Variants in CCDC59 observed in about 807,000 individuals in gnomAD.
CCDC59 encodes the protein thyroid transcription factor 1-associated protein 26.
CCDC59 carries 27 observed loss-of-function variants against 30.5 expected under a neutral mutation model. That is an observed-to-expected ratio of 0.89 (90% CI 0.65 to 1.22). The LOEUF is 1.22. Ranked by LOEUF, CCDC59 falls within the 50% of genes most tolerant of loss-of-function variation. The pLI, the probability that CCDC59 is intolerant of heterozygous loss-of-function variation, is 0.00. For missense variants in CCDC59, 362 were observed against 284.4 expected (o/e 1.27, Z -1.96); for synonymous variants, 125 against 100.9 (o/e 1.24, Z -1.43).
intron 3 of CCDC59, among the ~76,000 whole-genome samples, chr12:82,353,830 ATACTT>A (rs1235868929): frequency 6.6e-6 from 1 of 152,144 alleles, no homozygotes; most frequent in Non-Finnish European, 1.5e-5. Context: ...CTGACACATT[ATACTT>A]TTTAAAGCTA....
chr12:82,354,877 G>C (rs925130003), intron 2 of CCDC59: 3 of 218,430 alleles, frequency 1.4e-5, no homozygotes, highest in Non-Finnish European at 2.7e-5. Flanking sequence ...AAAATTATGT[G>C]TATATATGAA....
Position 82,353,063 on chromosome 12 carries a change from G to T in CCDC59, c.*88C>A. 1 of 1,012,712 alleles carries T rather than the reference G, an allele frequency of 9.9e-7. No individual in the cohort carries two copies. The highest frequency in any genetic ancestry group is 1.4e-6 in the Non-Finnish European group (1 of 696,208). The allele number at this position is 1,012,712 out of a possible 1,614,324, so 62.7% of individuals were successfully genotyped here. A position where few individuals can be genotyped will look rare whatever the true frequency, so the allele number is the denominator to read the frequency against. ...AGCATAGTTTAGCAATCCAGTTTATGTCGACAAATTTAGTTCACTGCTGGG... is the reference window on the plus strand; with the variant it reads ...AGCATAGTTTAGCAATCCAGTTTATTTCGACAAATTTAGTTCACTGCTGGG... On this transcript the variant is annotated 3_prime_UTR_variant, in exon 4 of 4. Transcript: ENST00000256151.
At chr12:82,353,667 T>C (rs553240860) in intron 3 of CCDC59, among the ~76,000 whole-genome samples, 1 of 152,294 alleles carries the variant, frequency 6.6e-6, no homozygotes, top group South Asian at 2.1e-4. Flanking sequence ...TAGTTAATAC[T>C]GGTCCAGTAT....
At chr12:82,353,980 A>G (rs1880913759) in intron 3 of CCDC59, among the ~76,000 whole-genome samples, 1 of 151,726 alleles carries the variant, frequency 6.6e-6, no homozygotes, top group Non-Finnish European at 1.5e-5. Context: ...GGTTTTCTAA[A>G]TAATAGAGTG....
chr12:82,354,611 G>T lies in CCDC59; in HGVS notation c.465-17C>A. On this transcript the variant is annotated splice_polypyrimidine_tract_variant and intron_variant, in intron 2 of 3. Coordinates refer to ENST00000256151, the MANE Select transcript of CCDC59 (RefSeq NM_014167.5). The stretch of plus-strand genomic sequence containing the variant: ...GTAAAGGAGCTTTTAATTGGGGGAT[G>T]AGGAAACAGGACTTTATTAGTAAAA... The T allele has an allele frequency of 6.4e-7, 1 of 1,554,470 alleles. No homozygotes were observed. The highest frequency in any genetic ancestry group is 8.7e-7 in the Non-Finnish European group (1 of 1,148,422).
In CCDC59 at chr12:82,357,476, C is replaced by T. The variant is rs1209411620; in HGVS notation, c.155-207G>A. 47 of 573,240 alleles carry T rather than the reference C, an allele frequency of 8.2e-5. No individual in the cohort carries two copies. In the East Asian group the frequency reaches 1.3e-3, roughly 16 times the overall value. The allele number at this position is 573,240 out of a possible 1,614,324, so 35.5% of individuals were successfully genotyped here. The stretch of plus-strand genomic sequence containing the variant: ...GCCCTTTGCAAAAAGACCAGGCTAA[C>T]AGTCATGCGGAAATCCAAGTAAGAA... On this transcript the variant is annotated intron_variant, in intron 1 of 3. Transcript: ENST00000256151.
upstream of CCDC59, chr12:82,358,762 C>T (rs1434150271): frequency 1.9e-6 from 3 of 1,613,486 alleles, no homozygotes; most frequent in South Asian, 2.2e-5. Context: ...AGGAAGTCAG[C>T]GTCGGAGACG....
intron 1 of CCDC59, 182 bp from the exon 2 acceptor site, chr12:82,357,451 G>A (rs1881125637): frequency 1.7e-6 from 1 of 596,466 alleles, no homozygotes. Flanking sequence ...TAGTAAGTTG[G>A]CCCTTTGCAA....
In CCDC59 at chr12:82,357,196, C is replaced by T. The variant is rs765531400; in HGVS notation, c.228G>A (p.Lys76=). The T allele has an allele frequency of 6.2e-7, 1 of 1,614,116 alleles. No homozygotes were observed. Among genetic ancestry groups the T allele is most frequent in the Non-Finnish European group, 8.5e-7 (1 of 1,180,014 alleles). Residue 76 remains lysine (K), a synonymous_variant, in exon 2 of 4, where the codon AAG becomes AAA. Transcript: ENST00000256151. ...ATTGAGATTCCAGTGACGTTTGAGC[C>T]TTCTTTTCCTTCCGTAGCAATTTCT... ...SYKKLLRKEK[K]AQTSLESQFT... is the part of the protein sequence containing the mutation.
upstream of CCDC59, chr12:82,358,663 T>C (rs762869759): frequency 8.7e-6 from 14 of 1,614,164 alleles, no homozygotes; most frequent in Non-Finnish European, 1.1e-5. Flanking sequence ...GCCCTGTCCA[T>C]TTCCAATGCA....
At chr12:82,356,506 T>C (rs1359326270) in intron 2 of CCDC59, among the ~76,000 whole-genome samples, 1 of 152,240 alleles carries the variant, frequency 6.6e-6, no homozygotes, top group Non-Finnish European at 1.5e-5. Flanking sequence ...CTCTGAAGTA[T>C]ATATTCATTA....
chr12:82,358,369 G>C lies in CCDC59; in HGVS notation c.8C>G (p.Pro3Arg). MAPVRRSAKWRPG... is the reference protein window; with the variant it reads MARVRRSAKWRPG... ...CCGCCACTTCGCGGACCGCCTCACCGGCGCCATTGCAGCCGACTAACTGCG... is the reference window on the plus strand; with the variant it reads ...CCGCCACTTCGCGGACCGCCTCACCCGCGCCATTGCAGCCGACTAACTGCG... The change falls in exon 1 of 4, where the codon CCG (proline) becomes CGG (arginine). Residue 3 changes from proline to arginine, a missense_variant. Coordinates refer to ENST00000256151, the MANE Select transcript of CCDC59 (RefSeq NM_014167.5). 5 of 1,613,374 alleles carry C rather than the reference G, an allele frequency of 3.1e-6. No individual in the cohort carries two copies. The highest frequency in any genetic ancestry group is 4.2e-6 in the Non-Finnish European group (5 of 1,180,012).
chr12:82,353,438 C>G, intron 3 of CCDC59, 126 bp from the exon 4 acceptor site: 2 of 686,652 alleles, frequency 2.9e-6, no homozygotes, highest in East Asian at 2.9e-5. Flanking sequence ...GCAAGATGTG[C>G]ACTGTTTCTC....
Position 82,352,666 on chromosome 12 carries a change from T to TA in CCDC59, c.*484dup, listed in dbSNP as rs1173001915. The TA allele has an allele frequency of 1.3e-5, 2 of 152,698 alleles. No individual in the cohort carries two copies. The highest frequency in any genetic ancestry group is 2.4e-5 in the African/African-American group (1 of 41,472). The allele number at this position is 152,698 out of a possible 1,614,324, so 9.5% of individuals were successfully genotyped here. The stretch of plus-strand genomic sequence containing the variant: ...CACTGCTTTGTGAAGGTCGCTTTGT[T>TA]ATATGGTGAGGGCAGTTTATTTCAG... On this transcript the variant is annotated 3_prime_UTR_variant, in exon 4 of 4. Transcript: ENST00000256151.
At chr12:82,358,087 C>A (rs1430800524) in intron 1 of CCDC59, 136 bp downstream of exon 1, 36 of 931,578 alleles carry the variant, frequency 3.9e-5, no homozygotes, top group Non-Finnish European at 4.7e-5. Flanking sequence ...ACAGCTTTAG[C>A]GGGCTCAGGA....
chr12:82,357,716 G>C (rs534796284), intron 1 of CCDC59, among the ~76,000 whole-genome samples: 1 of 152,308 alleles, frequency 6.6e-6, no homozygotes, highest in South Asian at 2.1e-4. Context: ...ACAGTGTATG[G>C]TTGTCTGAAA....
chr12:82,352,847 T>G lies in CCDC59; in HGVS notation c.*304A>C, dbSNP rs1880868524. On this transcript the variant is annotated 3_prime_UTR_variant, in exon 4 of 4. Transcript: ENST00000256151. Reference sequence around the variant, plus strand: ...TTCATTGATAGCTCTGATTCCTTATTTTTAAAAAATTTATTTCATATAAAT... The same window carrying G: ...TTCATTGATAGCTCTGATTCCTTATGTTTAAAAAATTTATTTCATATAAAT... The G allele has an allele frequency of 5.4e-6, 1 of 186,050 alleles. No homozygotes were observed. The highest frequency in any genetic ancestry group is 2.3e-5 in the African/African-American group (1 of 42,876). The allele number at this position is 186,050 out of a possible 1,614,324, so 11.5% of individuals were successfully genotyped here. A position where few individuals can be genotyped will look rare whatever the true frequency, so the allele number is the denominator to read the frequency against.
At position 82,358,215 on chromosome 12, in the gene CCDC59, T is replaced by C. The variant is rs771319997; in HGVS notation, c.154+8A>G. 2 of 1,614,178 alleles carry C rather than the reference T, an allele frequency of 1.2e-6. No individual in the cohort carries two copies. The highest frequency in any genetic ancestry group is 1.7e-6 in the Non-Finnish European group (2 of 1,180,010). The stretch of plus-strand genomic sequence containing the variant: ...TGAGGATTTGCAAATGGTTGCCTTC[T>C]TACATACCCTCGCGAACGCTCCCCA... On this transcript the variant is annotated splice_region_variant and intron_variant, in intron 1 of 3. Transcript: ENST00000256151.
chr12:82,353,674 G>C (rs1035964575), intron 3 of CCDC59, among the ~76,000 whole-genome samples: 1 of 152,130 alleles, frequency 6.6e-6, no homozygotes, highest in African/African-American at 2.4e-5. Flanking sequence ...TACTGGTCCA[G>C]TATTCCCATG....
Sources: gnomAD v4.1 joint callset for allele counts (sites outside exome capture counted in the v4.1 genomes callset) on GRCh38, gnomAD v4.1.1 for gene constraint, MANE v1.5 for transcripts, NCBI Gene and HGNC (gene_info 2026-07-23, HGNC 2026-07-21) for gene names.